Variants in RELN observed in about 807,000 individuals in gnomAD.
RELN encodes the protein reelin.
A neutral mutation model predicts 427.6 loss-of-function variants in RELN; 108 were observed. That is an observed-to-expected ratio of 0.25 (90% CI 0.22 to 0.30). RELN has a LOEUF of 0.30. Ranked by LOEUF, RELN falls within the 10% of genes least tolerant of loss-of-function variation. RELN has a pLI of 1.00. For synonymous variants in RELN, 1,524 were observed against 1,513.4 expected, an observed-to-expected ratio of 1.01 and a Z score of -0.16; for missense variants, 3,715 against 4,302.8, an observed-to-expected ratio of 0.86 and a Z score of 3.82.
rs184531321 is a variant in RELN, at chr7:103,668,714, T to C, written c.1290-7187A>G. On this transcript the variant is annotated intron_variant, in intron 11 of 64. Transcript: ENST00000428762. Reference sequence around the variant, plus strand: ...CTTTTTGAAACAGCTCTTAATAGTATTGCATCATTCGCAAATTAACCAGGA... The same window carrying C: ...CTTTTTGAAACAGCTCTTAATAGTACTGCATCATTCGCAAATTAACCAGGA... Among the ~76,000 whole-genome samples the C allele has an allele frequency of 3.4e-3, 523 of 152,334 alleles. 5 individuals carry two copies. The highest frequency in any genetic ancestry group is 0.012 in the African/African-American group (497 of 41,578).
At chr7:103,776,737 A>G (rs535625803) in intron 3 of RELN, 110 bp from the exon 4 acceptor site, 3 of 1,050,802 alleles carry the variant, frequency 2.9e-6, no homozygotes, top group African/African-American at 1.6e-5. Flanking sequence ...TGTGGATATG[A>G]TATTTTTAAT....
At chr7:103,502,741 C>T (rs1829076588) in intron 52 of RELN, among the ~76,000 whole-genome samples, 1 of 152,156 alleles carries the variant, frequency 6.6e-6, no homozygotes, top group African/African-American at 2.4e-5. Flanking sequence ...CCAAGGCCAT[C>T]ACTATTGCTC....
At chr7:103,498,820 AAGTT>A (rs35206303) in intron 53 of RELN, among the ~76,000 whole-genome samples, 59,295 of 151,772 alleles carry the variant, frequency 0.39, 12,749 homozygotes, top group African/African-American at 0.57. Flanking sequence ...TATTTGTAAA[AAGTT>A]AGTTAGTTAT....
At chr7:103,538,417 G>C (rs1007358553) in intron 45 of RELN, among the ~76,000 whole-genome samples, 1 of 152,130 alleles carries the variant, frequency 6.6e-6, no homozygotes. Flanking sequence ...AATGATGCCA[G>C]CTTTTATCTC....
At chr7:103,781,657 A>T (rs1791893487) in intron 3 of RELN, among the ~76,000 whole-genome samples, 1 of 151,842 alleles carries the variant, frequency 6.6e-6, no homozygotes, top group Non-Finnish European at 1.5e-5. Context: ...ACATCTCCCC[A>T]TCTACCTCCC....
At chr7:103,827,832 T>C (rs1050758256) in intron 3 of RELN, among the ~76,000 whole-genome samples, 7 of 152,048 alleles carry the variant, frequency 4.6e-5, no homozygotes, top group Admixed American at 3.3e-4. Context: ...AAAGACGTGA[T>C]TTAAAAGAAA....
At chr7:103,486,604 C>A (rs1828449588) in intron 60 of RELN, among the ~76,000 whole-genome samples, 188 bp from the exon 61 acceptor site, 1 of 147,902 alleles carries the variant, frequency 6.8e-6, no homozygotes. Flanking sequence ...AGGTTTTGAA[C>A]AGACACTTCT....
chr7:103,944,234 G>T (rs1402210810), intron 1 of RELN, among the ~76,000 whole-genome samples: 2 of 152,108 alleles, frequency 1.3e-5, no homozygotes, highest in African/African-American at 4.8e-5. Flanking sequence ...TAAATCATAA[G>T]AAAAAACTGA....
intron 11 of RELN, among the ~76,000 whole-genome samples, chr7:103,662,486 G>C (rs529675257): frequency 1.3e-5 from 2 of 152,158 alleles, no homozygotes; most frequent in South Asian, 2.1e-4. Context: ...GCTTGGTGTG[G>C]TGGTGCATGG....
At chr7:103,488,937 A>C (rs890983967) in intron 60 of RELN, among the ~76,000 whole-genome samples, 1 of 152,232 alleles carries the variant, frequency 6.6e-6, no homozygotes, top group African/African-American at 2.4e-5. Context: ...GATTAATTCA[A>C]AGAAGATTTA....
At chr7:103,770,642 T>A (rs1038793984) in intron 4 of RELN, among the ~76,000 whole-genome samples, 7 of 107,646 alleles carry the variant, frequency 6.5e-5, no homozygotes, top group African/African-American at 2.1e-4. Flanking sequence ...TCTTTCCTTA[T>A]TTTTTTTAAA....
intron 11 of RELN, 64 bp from the exon 12 acceptor site, chr7:103,661,591 A>C (rs1416610211): frequency 6.8e-7 from 1 of 1,479,772 alleles, no homozygotes; most frequent in African/African-American, 1.4e-5. Flanking sequence ...ATAAAGAATA[A>C]CATTTAGTTT....
intron 12 of RELN, among the ~76,000 whole-genome samples, chr7:103,656,186 T>G (rs1833018938): frequency 6.6e-6 from 1 of 152,126 alleles, no homozygotes; most frequent in Non-Finnish European, 1.5e-5. Flanking sequence ...TTTGATGACC[T>G]AAATTAATAA....
intron 19 of RELN, among the ~76,000 whole-genome samples, chr7:103,633,195 G>A (rs1463380992): frequency 2.0e-5 from 3 of 152,002 alleles, no homozygotes; most frequent in African/African-American, 4.8e-5. Flanking sequence ...TCTAATTTAT[G>A]AATCACACTT....
At chr7:103,575,402 T>C (rs1830975501) in intron 29 of RELN, 146 bp downstream of exon 29, 3 of 872,530 alleles carry the variant, frequency 3.4e-6, no homozygotes, top group Admixed American at 2.0e-5. Context: ...TAGCACCTCA[T>C]GTGCCTGGGT....
chr7:103,979,889 C>T (rs962863187), intron 1 of RELN, among the ~76,000 whole-genome samples: 2 of 152,160 alleles, frequency 1.3e-5, no homozygotes, highest in Admixed American at 6.5e-5. Context: ...TGGCCAGGCG[C>T]GATGGCTCAC....
chr7:103,900,331 T>A (rs551141332), intron 2 of RELN, among the ~76,000 whole-genome samples: 1 of 152,252 alleles, frequency 6.6e-6, no homozygotes, highest in African/African-American at 2.4e-5. Flanking sequence ...CCCATGCTCA[T>A]GTATAGGAAG....
chr7:103,963,086 A>C (rs995293264), intron 1 of RELN, among the ~76,000 whole-genome samples: 2 of 151,410 alleles, frequency 1.3e-5, no homozygotes, highest in Admixed American at 6.6e-5. Flanking sequence ...AAAGCCTCGA[A>C]ACCAGGCTGC....
chr7:103,745,822 G>A (rs1159622448), intron 6 of RELN, among the ~76,000 whole-genome samples: 1 of 152,094 alleles, frequency 6.6e-6, no homozygotes, highest in Non-Finnish European at 1.5e-5. Flanking sequence ...AATCAATATC[G>A]TGAAAATGGC....
Sources: allele counts gnomAD v4.1 joint callset (sites outside exome capture counted in the v4.1 genomes callset), GRCh38; gene constraint gnomAD v4.1.1; transcripts MANE v1.5; gene names NCBI Gene and HGNC (gene_info 2026-07-23, HGNC 2026-07-21).